The following NFIX variants were observed in gnomAD, a reference collection of about 807,000 sequenced individuals.
NFIX encodes nuclear factor I X.
NFIX carries 2 observed loss-of-function variants against 53.3 expected under a neutral mutation model. The ratio of observed to expected loss-of-function variants is 0.04; its 90% CI spans 0.02 to 0.12. The LOEUF is 0.12. Ranked by LOEUF, NFIX falls within the 10% of genes least tolerant of loss-of-function variation. The pLI is 1.00. For missense variants in NFIX, 310 were observed against 674.5 expected (o/e 0.46, Z 5.99); for synonymous variants, 244 against 289.0 (o/e 0.84, Z 1.58).
At chr19:13,018,861 G>C (rs1213760928) in intron 1 of NFIX, among the ~76,000 whole-genome samples, 1 of 152,278 alleles carries the variant, frequency 6.6e-6, no homozygotes, top group African/African-American at 2.4e-5. Flanking sequence ...GACCAAGGCT[G>C]AATTATAAAA....
At chr19:13,087,477 C>G (rs2017846397) in intron 8 of NFIX, among the ~76,000 whole-genome samples, 1 of 152,086 alleles carries the variant, frequency 6.6e-6, no homozygotes, top group South Asian at 2.1e-4. Flanking sequence ...TGGTGGCCTC[C>G]TGAGGACATG....
intron 2 of NFIX, among the ~76,000 whole-genome samples, chr19:13,056,254 C>T (rs755953336): frequency 7.9e-5 from 12 of 152,164 alleles, no homozygotes; most frequent in Non-Finnish European, 1.5e-4. Context: ...TATGAACACA[C>T]CTTGAAGAGT....
At chr19:13,023,560 G>A (rs1002468960) in intron 1 of NFIX, among the ~76,000 whole-genome samples, 1 of 151,536 alleles carries the variant, frequency 6.6e-6, no homozygotes, top group Non-Finnish European at 1.5e-5. Flanking sequence ...CGGGGGTGGG[G>A]TGGGGTGCGT....
Position 13,094,739 on chromosome 19 carries a change from C to A in NFIX, c.*90C>A. ...TTTGAGAATGGAAAAATCCCCCAGC[C>A]CAGCCCAGCCCCACCGAAAAGCAAA... On this transcript the variant is annotated 3_prime_UTR_variant, in exon 11 of 11. Coordinates refer to ENST00000592199, the MANE Select transcript of NFIX (RefSeq NM_001365902.3). The surrounding 1 kb of genome is among the most constrained non-coding windows in gnomAD (Gnocchi z 4.3). 1 of 1,376,848 alleles carries A rather than the reference C, an allele frequency of 7.3e-7. No individual in the cohort carries two copies. The highest frequency in any genetic ancestry group is 9.9e-7 in the Non-Finnish European group (1 of 1,006,462). The allele number at this position is 1,376,848 out of a possible 1,614,324, so 85.3% of individuals were successfully genotyped here.
chr19:13,091,429 A>G (rs2018134443), intron 10 of NFIX, among the ~76,000 whole-genome samples: 1 of 149,582 alleles, frequency 6.7e-6, no homozygotes. Context: ...AAGCCAAAAA[A>G]CTTTGTCAAA....
chr19:13,023,968 C>CA (rs1056985263), intron 1 of NFIX: 1 of 1,385,522 alleles, frequency 7.2e-7, no homozygotes, highest in African/African-American at 1.5e-5. Flanking sequence ...GCCCCCAACT[C>CA]ACAACTCTTT....
At position 13,090,253 on chromosome 19, in the gene NFIX, C is replaced by G; in HGVS notation, c.1403-46C>G. 1 of 1,588,426 alleles carries G rather than the reference C, an allele frequency of 6.3e-7. No homozygotes were observed. The highest frequency in any genetic ancestry group is 8.6e-7 in the Non-Finnish European group (1 of 1,156,850). On this transcript the variant is annotated intron_variant, in intron 9 of 10. Transcript: ENST00000592199. This position sits in a 1 kb window ranked among gnomAD's most constrained non-coding sequence, Gnocchi z 6.6. ...CCCGAGGGGCAGTGCCCAGGTGGGC[C>G]CCAAGGCCTGACAGGGTCTCTCCCT... is the stretch of plus-strand genomic sequence containing the variant.
In NFIX at chr19:13,051,260, G is replaced by A. The variant is rs1055159746; in HGVS notation, c.560-21787G>A. Among the ~76,000 whole-genome samples the A allele has an allele frequency of 1.3e-5, 2 of 152,176 alleles. No homozygotes were observed. The highest frequency in any genetic ancestry group is 4.8e-5 in the African/African-American group (2 of 41,430). ...GGCTCTAAATGAGTCACTCAGCTCT[G>A]GCTTTGCCAGGTGGCCCAGGGTAGG... On this transcript the variant is annotated intron_variant, in intron 2 of 10. Transcript: ENST00000592199. The surrounding 1 kb of genome is among the most constrained non-coding windows in gnomAD (Gnocchi z 5.1).
Position 13,042,345 on chromosome 19 carries a change from C to T in NFIX, c.559+16793C>T, listed in dbSNP as rs920395045. Among the ~76,000 whole-genome samples the T allele has an allele frequency of 3.8e-5, 5 of 133,062 alleles. 1 individual carries two copies. The Admixed American group carries it at 4.1e-4, about 11-fold the overall frequency. 87.3% of individuals were successfully genotyped at this position (133,062 alleles called of 152,430 possible). ...GTGCTTACTGAAAAATAAAAACATG[C>T]TTTTACATGCTTTTTTTTTTTTTTT... On this transcript the variant is annotated intron_variant, in intron 2 of 10. Transcript: ENST00000592199.
At chr19:13,063,168 G>T (rs1375192798) in intron 2 of NFIX, among the ~76,000 whole-genome samples, 1 of 152,216 alleles carries the variant, frequency 6.6e-6, no homozygotes, top group African/African-American at 2.4e-5. Context: ...AGGCAAATAG[G>T]CAGAGAGCTT....
rs1304823201 is a variant in NFIX, at chr19:13,081,053, A to G, written c.1079-627A>G. 6.6e-6 allele frequency among the ~76,000 whole-genome samples: 1 copy of G among 151,838 alleles called. No individual in the cohort carries two copies. The highest frequency in any genetic ancestry group is 2.4e-5 in the African/African-American group (1 of 41,292). ...AGTGGCTCATGCCTGTAATCCCAGC[A>G]CTTTGGGAGGCCAAGGCAGGCAGAT... On this transcript the variant is annotated intron_variant, in intron 7 of 10. Transcript: ENST00000592199. The surrounding 1 kb of genome is among the most constrained non-coding windows in gnomAD (Gnocchi z 4.7).
chr19:13,000,310 A>G (rs1450678987), intron 1 of NFIX, among the ~76,000 whole-genome samples: 4 of 152,122 alleles, frequency 2.6e-5, no homozygotes, highest in South Asian at 2.1e-4. Context: ...ATTGTTGCCA[A>G]TTGTTGGTTG....
intron 1 of NFIX, chr19:13,023,951 C>A: frequency 1.0e-6 from 1 of 984,814 alleles, no homozygotes; most frequent in Non-Finnish European, 1.5e-6. Context: ...CCCCCCTCCC[C>A]CCACCCGCCC....
intron 7 of NFIX, among the ~76,000 whole-genome samples, chr19:13,079,096 C>T (rs2017299410): frequency 6.6e-6 from 1 of 152,262 alleles, no homozygotes; most frequent in African/African-American, 2.4e-5. Flanking sequence ...TCTGCTCTGC[C>T]TTCCTGCCGG....
Position 13,066,114 on chromosome 19 carries a change from T to G in NFIX, c.560-6933T>G, listed in dbSNP as rs1040669245. ...TTTCAGATGAAGTGTGAGACTGCTC[T>G]GCTGGTCTCCTGGGTACAAGATGAG... is the stretch of plus-strand genomic sequence containing the variant. On this transcript the variant is annotated intron_variant, in intron 2 of 10. Coordinates refer to ENST00000592199, the MANE Select transcript of NFIX (RefSeq NM_001365902.3). The surrounding 1 kb of genome is among the most constrained non-coding windows in gnomAD (Gnocchi z 4.2). 2.0e-5 allele frequency among the ~76,000 whole-genome samples: 3 copies of G among 152,178 alleles called. No homozygotes were observed. Among genetic ancestry groups the G allele is most frequent in the African/African-American group, 7.2e-5 (3 of 41,422 alleles).
At chr19:13,086,454 G>T (rs1332219524) in intron 8 of NFIX, among the ~76,000 whole-genome samples, 1 of 152,210 alleles carries the variant, frequency 6.6e-6, no homozygotes, top group Admixed American at 6.5e-5. Flanking sequence ...ATGGCCCAGA[G>T]CCTCAGTTTC....
intron 2 of NFIX, among the ~76,000 whole-genome samples, chr19:13,065,268 G>A (rs1431582308): frequency 6.6e-6 from 1 of 152,168 alleles, no homozygotes; most frequent in African/African-American, 2.4e-5. Context: ...AGAGGACAGG[G>A]GAAGCAGACC....
rs1458927466 is a variant in NFIX, at chr19:13,028,552, C to T, written c.559+3000C>T. 6.6e-6 allele frequency among the ~76,000 whole-genome samples: 1 copy of T among 152,212 alleles called. No individual in the cohort carries two copies. Among genetic ancestry groups the T allele is most frequent in the Non-Finnish European group, 1.5e-5 (1 of 68,040 alleles). On this transcript the variant is annotated intron_variant, in intron 2 of 10. Coordinates refer to ENST00000592199, the MANE Select transcript of NFIX (RefSeq NM_001365902.3). This position sits in a 1 kb window ranked among gnomAD's most constrained non-coding sequence, Gnocchi z 4.2. ...ACGTGTGTTTGGCGTTGAAACTCCA[C>T]TCCCAGAATACTGGGTCCAAATACA...
chr19:13,038,177 GAC>G (rs1367570709), intron 2 of NFIX, among the ~76,000 whole-genome samples: 1 of 152,190 alleles, frequency 6.6e-6, no homozygotes, highest in Non-Finnish European at 1.5e-5. Flanking sequence ...CTCAAAGTGA[GAC>G]AGTGCTGACA....
Sources: gnomAD v4.1 joint callset for allele counts (sites outside exome capture counted in the v4.1 genomes callset) on GRCh38, gnomAD v4.1.1 for gene constraint, Gnocchi (gnomAD v3.1) non-coding constraint, MANE v1.5 for transcripts, NCBI Gene and HGNC (gene_info 2026-07-23, HGNC 2026-07-21) for gene names.